The following TSPAN5 variants were observed in gnomAD, a reference collection of about 807,000 sequenced individuals.
TSPAN5 encodes tetraspanin 5, also known as tetraspanin-5.
A neutral mutation model predicts 37.1 loss-of-function variants in TSPAN5; 10 were observed. The ratio of observed to expected loss-of-function variants is 0.27; its 90% CI spans 0.17 to 0.46. TSPAN5 has a LOEUF of 0.46. Ranked by LOEUF, TSPAN5 falls within the 20% of genes least tolerant of loss-of-function variation. The probability of loss-of-function intolerance (pLI) is 1.00; values close to 1 mark genes in which losing one functional copy is unlikely to be tolerated. For synonymous variants in TSPAN5, 110 were observed against 118.9 expected, an observed-to-expected ratio of 0.93 and a Z score of 0.48; for missense variants, 195 against 326.6, an observed-to-expected ratio of 0.60 and a Z score of 3.11.
At chr4:98,621,097 C>A (rs1756470256) in intron 1 of TSPAN5, among the ~76,000 whole-genome samples, 1 of 152,142 alleles carries the variant, frequency 6.6e-6, no homozygotes, top group Non-Finnish European at 1.5e-5. Flanking sequence ...CAGACACACA[C>A]ACAAGGAGAC....
intron 7 of TSPAN5, among the ~76,000 whole-genome samples, chr4:98,473,413 G>A (rs1752628348): frequency 6.6e-6 from 1 of 151,160 alleles, no homozygotes; most frequent in Non-Finnish European, 1.5e-5. Context: ...TTTCCTTAAT[G>A]ACTACTGACG....
At chr4:98,632,561 T>C (rs571831163) in intron 1 of TSPAN5, among the ~76,000 whole-genome samples, 26 of 152,306 alleles carry the variant, frequency 1.7e-4, no homozygotes, top group African/African-American at 6.3e-4. Context: ...CCAGGACCTA[T>C]GGAGCACTTC....
chr4:98,590,526 C>T (rs1202473296), intron 1 of TSPAN5, among the ~76,000 whole-genome samples: 4 of 151,884 alleles, frequency 2.6e-5, no homozygotes, highest in East Asian at 1.9e-4. Flanking sequence ...CTGGCTAACA[C>T]GCTGAAACCC....
chr4:98,608,006 G>A (rs753059431), intron 1 of TSPAN5, among the ~76,000 whole-genome samples: 2 of 152,004 alleles, frequency 1.3e-5, no homozygotes, highest in East Asian at 1.9e-4. Flanking sequence ...CCACTGCGCC[G>A]GGCCATGAAA....
intron 1 of TSPAN5, among the ~76,000 whole-genome samples, chr4:98,555,960 A>T (rs1754732152): frequency 6.8e-6 from 1 of 146,974 alleles, no homozygotes; most frequent in Non-Finnish European, 1.5e-5. Context: ...CTGAAAAATC[A>T]CTCCACACAC....
At chr4:98,490,785 G>A (rs1753067703) in intron 2 of TSPAN5, among the ~76,000 whole-genome samples, 1 of 152,114 alleles carries the variant, frequency 6.6e-6, no homozygotes, top group Non-Finnish European at 1.5e-5. Context: ...TATTGGCCCG[G>A]CTTGATGGCT....
intron 1 of TSPAN5, among the ~76,000 whole-genome samples, chr4:98,613,197 G>A (rs1036388551): frequency 6.7e-6 from 1 of 149,486 alleles, no homozygotes; most frequent in African/African-American, 2.5e-5. Context: ...TTTGAGAGAA[G>A]TACTAACTTG....
chr4:98,567,535 TATC>T (rs1755032073), intron 1 of TSPAN5, among the ~76,000 whole-genome samples: 1 of 152,214 alleles, frequency 6.6e-6, no homozygotes. Context: ...AGGATCCAGC[TATC>T]ATTATTATGC....
At chr4:98,641,114 G>A (rs1422018241) in intron 1 of TSPAN5, among the ~76,000 whole-genome samples, 1 of 152,086 alleles carries the variant, frequency 6.6e-6, no homozygotes, top group East Asian at 1.9e-4. Flanking sequence ...AAGAGGAGGG[G>A]AGAAAAAGTT....
intron 1 of TSPAN5, among the ~76,000 whole-genome samples, chr4:98,558,848 C>A (rs558004393): frequency 6.6e-6 from 1 of 152,164 alleles, no homozygotes; most frequent in Admixed American, 6.5e-5. Flanking sequence ...GGTCTTTAGA[C>A]AACAAATTGA....
chr4:98,562,437 C>A (rs932041904), intron 1 of TSPAN5, among the ~76,000 whole-genome samples: 7 of 152,048 alleles, frequency 4.6e-5, no homozygotes, highest in African/African-American at 1.4e-4. Context: ...CCAAGGCAGG[C>A]GGATCACAAG....
intron 1 of TSPAN5, among the ~76,000 whole-genome samples, chr4:98,638,444 T>C (rs985217849): frequency 6.6e-6 from 1 of 152,148 alleles, no homozygotes. Flanking sequence ...GCCCGGGTGA[T>C]TACCTCCTAA....
chr4:98,623,455 A>G lies in TSPAN5; in HGVS notation c.81+34691T>C, dbSNP rs9998459. Among the ~76,000 whole-genome samples the G allele has an allele frequency of 7.5e-3, 1,146 of 152,346 alleles. 24 individuals carry two copies. The highest frequency in any genetic ancestry group is 0.026 in the African/African-American group (1,088 of 41,582). ...CCAATCAAAAGATGAGAATCCTATG[A>G]ATAAACCTGTAATAATATCCTCTGT... On this transcript the variant is annotated intron_variant, in intron 1 of 7. Coordinates refer to ENST00000305798, the MANE Select transcript of TSPAN5 (RefSeq NM_005723.4).
At chr4:98,602,677 AC>A (rs1755908541) in intron 1 of TSPAN5, among the ~76,000 whole-genome samples, 1 of 152,112 alleles carries the variant, frequency 6.6e-6, no homozygotes, top group Non-Finnish European at 1.5e-5. Context: ...TTCTTCCCCT[AC>A]AATCAACGCT....
At chr4:98,508,295 G>C (rs929396239) in intron 1 of TSPAN5, among the ~76,000 whole-genome samples, 1 of 152,096 alleles carries the variant, frequency 6.6e-6, no homozygotes, top group Admixed American at 6.6e-5. Context: ...TTTTAGTTCA[G>C]AGGACCTCCC....
At chr4:98,650,387 C>G (rs980713294) in intron 1 of TSPAN5, among the ~76,000 whole-genome samples, 2 of 151,996 alleles carry the variant, frequency 1.3e-5, no homozygotes, top group Non-Finnish European at 2.9e-5. Flanking sequence ...GCACAGGATG[C>G]TAGAGCACTA....
chr4:98,485,888 C>T (rs376005350), intron 3 of TSPAN5, among the ~76,000 whole-genome samples: 5 of 151,670 alleles, frequency 3.3e-5, no homozygotes, highest in African/African-American at 1.2e-4. Flanking sequence ...CTCCACCATC[C>T]CCATCCTTCC....
At chr4:98,613,827 GT>G (rs1756258153) in intron 1 of TSPAN5, among the ~76,000 whole-genome samples, 1 of 152,010 alleles carries the variant, frequency 6.6e-6, no homozygotes, top group East Asian at 1.9e-4. Context: ...CATGGTCGCT[GT>G]TACTACTAAA....
At chr4:98,523,632 C>T (rs536531683) in intron 1 of TSPAN5, among the ~76,000 whole-genome samples, 8 of 152,250 alleles carry the variant, frequency 5.3e-5, no homozygotes, top group South Asian at 4.1e-4. Context: ...GACAAGGTTT[C>T]GCCATGTTGG....
Sources: allele counts gnomAD v4.1 joint callset (sites outside exome capture counted in the v4.1 genomes callset), GRCh38; gene constraint gnomAD v4.1.1; transcripts MANE v1.5; gene names NCBI Gene and HGNC (gene_info 2026-07-23, HGNC 2026-07-21).